DENND4C: variants seen among roughly 807,000 people sequenced by gnomAD.
The protein encoded by DENND4C is DENN domain-containing protein 4C.
Under a neutral mutation model 203.0 loss-of-function variants are expected in DENND4C, and 108 were observed. That is an observed-to-expected ratio of 0.53 (90% CI 0.46 to 0.62). The LOEUF is 0.62. Among genes scored for constraint, DENND4C ranks in the 20% least tolerant of loss-of-function variants. The pLI, the probability that DENND4C is intolerant of heterozygous loss-of-function variation, is 0.00. For missense variants in DENND4C, 2,481 were observed against 2,301.2 expected, an observed-to-expected ratio of 1.08 and a Z score of -1.60; for synonymous variants, 871 against 792.4, an observed-to-expected ratio of 1.10 and a Z score of -1.67.
intron 30 of DENND4C, among the ~76,000 whole-genome samples, chr9:19,364,977 C>G (rs1228413470): frequency 6.6e-6 from 1 of 151,962 alleles, no homozygotes; most frequent in Non-Finnish European, 1.5e-5. Flanking sequence ...TGAAATTTTC[C>G]CTAAAGGAAA....
chr9:19,264,688 T>A (rs1245391449), intron 1 of DENND4C, among the ~76,000 whole-genome samples: 1 of 152,182 alleles, frequency 6.6e-6, no homozygotes, highest in East Asian at 1.9e-4. Flanking sequence ...GAGCCTTCTC[T>A]CTTTTTTTCT....
chr9:19,320,620 G>T (rs1221469167), intron 12 of DENND4C, among the ~76,000 whole-genome samples: 1 of 152,226 alleles, frequency 6.6e-6, no homozygotes, highest in African/African-American at 2.4e-5. Flanking sequence ...TGCAGATCTA[G>T]GGGCTTGGTT....
In DENND4C at chr9:19,316,631, A is replaced by T. The variant is rs369094275; in HGVS notation, c.1599A>T (p.Lys533Asn). Residue 533 changes from lysine to asparagine, a missense_variant, in exon 12 of 33, where the codon AAA becomes AAT. Around this residue, in one of 3 missense-constraint regions of DENND4C, gnomAD observed 2,289 missense variants for 2,113.3 expected, o/e 1.08. Transcript: ENST00000434457. ...TATTTCCTTTGTTAGTTCACCAAAA[A>T]ACTCAAGAAGGCTCAGCGATTGACA... ...LYPQLSSVHQKTQEGSAIDMT... is the reference protein window; with the variant it reads ...LYPQLSSVHQNTQEGSAIDMT... 2 of 1,612,862 alleles carry T rather than the reference A, an allele frequency of 1.2e-6. No individual in the cohort carries two copies. The highest frequency in any genetic ancestry group is 2.7e-5 in the African/African-American group (2 of 74,770).
intron 15 of DENND4C, among the ~76,000 whole-genome samples, chr9:19,327,059 G>A (rs1378931456): frequency 1.3e-5 from 2 of 152,158 alleles, no homozygotes; most frequent in East Asian, 3.9e-4. Flanking sequence ...ATATCAAGAG[G>A]ACTGGATCAG....
At chr9:19,274,745 C>T (rs1260051126) in intron 1 of DENND4C, among the ~76,000 whole-genome samples, 3 of 152,178 alleles carry the variant, frequency 2.0e-5, no homozygotes. Context: ...TCTTATAAAG[C>T]ACAAGAGTTC....
chr9:19,286,752 C>T lies in DENND4C; in HGVS notation c.306-17C>T, dbSNP rs1246394421. Reference sequence around the variant, plus strand: ...TGTATATATCTATATCTATTTCTTCCCCTTCCTGCCATGCAGAGTTCTATA... The same window carrying T: ...TGTATATATCTATATCTATTTCTTCTCCTTCCTGCCATGCAGAGTTCTATA... On this transcript the variant is annotated splice_polypyrimidine_tract_variant and intron_variant, in intron 2 of 32. Coordinates refer to ENST00000434457, the MANE Select transcript of DENND4C (RefSeq NM_001330640.2). 1.6e-6 allele frequency: 2 copies of T among 1,231,626 alleles called. No homozygotes were observed. Among genetic ancestry groups the T allele is most frequent in the Middle Eastern group, 3.1e-4 (1 of 3,230 alleles). The allele number at this position is 1,231,626 out of a possible 1,614,324, so 76.3% of individuals were successfully genotyped here.
intron 1 of DENND4C, among the ~76,000 whole-genome samples, chr9:19,261,996 G>A (rs1829474030): frequency 6.9e-6 from 1 of 145,630 alleles, no homozygotes; most frequent in Non-Finnish European, 1.5e-5. Flanking sequence ...ATGGGTCATT[G>A]TTGACATATG....
intron 1 of DENND4C, among the ~76,000 whole-genome samples, chr9:19,269,045 G>A (rs1316194455): frequency 1.3e-5 from 2 of 151,992 alleles, no homozygotes; most frequent in East Asian, 1.9e-4. Flanking sequence ...CTACCTTTTT[G>A]TTAAGGCCCA....
intron 9 of DENND4C, 61 bp from the exon 10 acceptor site, chr9:19,305,291 A>T: frequency 7.0e-7 from 1 of 1,429,110 alleles, no homozygotes; most frequent in Non-Finnish European, 9.6e-7. Context: ...AATACTAGTT[A>T]CTTATATATT....
At chr9:19,264,601 C>G (rs1273796834) in intron 1 of DENND4C, among the ~76,000 whole-genome samples, 1 of 152,100 alleles carries the variant, frequency 6.6e-6, no homozygotes, top group Non-Finnish European at 1.5e-5. Context: ...GCCACCATGC[C>G]TGGCCAGTAG....
chr9:19,271,673 C>T (rs1258486562), intron 1 of DENND4C, among the ~76,000 whole-genome samples: 1 of 151,750 alleles, frequency 6.6e-6, no homozygotes. Flanking sequence ...TAAAGACCAG[C>T]CTGACCAACA....
chr9:19,360,200 G>T lies in DENND4C; in HGVS notation c.5161-44G>T, dbSNP rs1428961114. 1.9e-6 allele frequency: 3 copies of T among 1,585,202 alleles called. No individual in the cohort carries two copies. The South Asian group carries it at 3.4e-5, about 18-fold the overall frequency. On this transcript the variant is annotated intron_variant, in intron 28 of 32. Transcript: ENST00000434457. ...ATTGAGAAGTGCTCTTGAGCATACA[G>T]ATTTAAACAGATAATATTAATTTCT...
intron 12 of DENND4C, among the ~76,000 whole-genome samples, chr9:19,319,369 T>C (rs1363879696): frequency 2.2e-5 from 3 of 134,412 alleles, no homozygotes; most frequent in Non-Finnish European, 4.5e-5. Flanking sequence ...TACACACATA[T>C]ATATACACAT....
intron 5 of DENND4C, among the ~76,000 whole-genome samples, chr9:19,294,397 G>A (rs1326301371): frequency 1.3e-5 from 2 of 152,292 alleles, no homozygotes; most frequent in Non-Finnish European, 2.9e-5. Flanking sequence ...TGTCATACAA[G>A]GAAAGGGTGT....
intron 1 of DENND4C, among the ~76,000 whole-genome samples, chr9:19,249,042 C>A (rs1289957998): frequency 6.6e-6 from 1 of 152,130 alleles, no homozygotes; most frequent in Non-Finnish European, 1.5e-5. Flanking sequence ...CCACCCTTCT[C>A]GGTCTCCCAA....
intron 1 of DENND4C, among the ~76,000 whole-genome samples, chr9:19,265,693 A>G (rs186053891): frequency 1.1e-3 from 161 of 152,286 alleles, no homozygotes; most frequent in African/African-American, 3.7e-3. Flanking sequence ...TATAAGTGAG[A>G]ACATGCGGTG....
At chr9:19,343,650 A>G (rs1201333869) in intron 22 of DENND4C, among the ~76,000 whole-genome samples, 6 of 152,236 alleles carry the variant, frequency 3.9e-5, no homozygotes, top group Non-Finnish European at 8.8e-5. Context: ...TTTTGAGAAA[A>G]TAATTGATAT....
chr9:19,345,884 A>T (rs1822784972), intron 22 of DENND4C, 37 bp from the exon 23 acceptor site: 1 of 1,491,792 alleles, frequency 6.7e-7, no homozygotes, highest in Non-Finnish European at 9.0e-7. Flanking sequence ...TAACTTGGAA[A>T]ATAGGTTCAT....
chr9:19,360,447 A>G lies in DENND4C; in HGVS notation c.5364A>G (p.Pro1788=), dbSNP rs1826222752. Residue 1788 remains proline, a synonymous_variant, in exon 29 of 33, where the codon CCA becomes CCG. Transcript: ENST00000434457. Reference sequence around the variant, plus strand: ...GTTTGGACCTTCCTAGTAACTTGCCAGGACTTATCCTCACATCTGAACATT... The same window carrying G: ...GTTTGGACCTTCCTAGTAACTTGCCGGGACTTATCCTCACATCTGAACATT... ...FRRLDLPSNL[P]GLILTSEHCN... 2 of 1,614,156 alleles carry G rather than the reference A, an allele frequency of 1.2e-6. No individual in the cohort carries two copies.
Sources: gnomAD v4.1 joint callset for allele counts (sites outside exome capture counted in the v4.1 genomes callset) on GRCh38, gnomAD v4.1.1 for gene constraint, gnomAD v4.1.1 regional missense constraint, MANE v1.5 for transcripts, NCBI Gene and HGNC (gene_info 2026-07-23, HGNC 2026-07-21) for gene names.